Variants in COL12A1 observed in about 807,000 individuals in gnomAD.
COL12A1 encodes the protein collagen alpha-1(XII) chain.
COL12A1 carries 114 observed loss-of-function variants against 349.7 expected under a neutral mutation model. The ratio of observed to expected loss-of-function variants is 0.33; its 90% confidence interval spans 0.28 to 0.38. The LOEUF (loss-of-function observed/expected upper bound fraction) is 0.38. Among genes scored for constraint, COL12A1 ranks in the 10% least tolerant of loss-of-function variants. The probability of loss-of-function intolerance (pLI) is 1.00; values close to 1 mark genes in which losing one functional copy is unlikely to be tolerated. For missense variants in COL12A1, 3,284 were observed against 3,756.9 expected (o/e 0.87, Z 3.29); for synonymous variants, 1,369 against 1,329.0 (o/e 1.03, Z -0.66).
intron 17 of COL12A1, among the ~76,000 whole-genome samples, chr6:75,152,750 C>G (rs899705322): frequency 6.6e-6 from 1 of 152,134 alleles, no homozygotes; most frequent in Admixed American, 6.6e-5. Context: ...TGCCCTCTTT[C>G]ATAGAACCTG....
intron 17 of COL12A1, among the ~76,000 whole-genome samples, chr6:75,153,492 A>C (rs965558054): frequency 1.1e-4 from 16 of 152,266 alleles, no homozygotes; most frequent in African/African-American, 2.6e-4. Flanking sequence ...ACCAGCTATA[A>C]ATTTTCCAGT....
At chr6:75,149,734 T>TTGGG (rs1767386959) in intron 21 of COL12A1, among the ~76,000 whole-genome samples, 1 of 152,154 alleles carries the variant, frequency 6.6e-6, no homozygotes, top group African/African-American at 2.4e-5. Context: ...TCTTAGTATC[T>TTGGG]TAACTTTTAT....
intron 5 of COL12A1, 124 bp from the exon 6 acceptor site, chr6:75,189,939 T>C (rs1769842793): frequency 3.9e-6 from 4 of 1,037,552 alleles, no homozygotes. Flanking sequence ...TCACCAATTG[T>C]TCTTCACCCA....
At position 75,181,501 on chromosome 6, in the gene COL12A1, C is replaced by A. The variant is rs114887484; in HGVS notation, c.1892-290G>T. 0.013 allele frequency among the ~76,000 whole-genome samples: 1,981 copies of A among 152,208 alleles called. 40 individuals are homozygous for A. The highest frequency in any genetic ancestry group is 0.046 in the African/African-American group (1,895 of 41,552). ...TGAATTTTGAGATTCTTAAAGCAGT[C>A]GTAATAGAATGGCCTTGCCCATAAT... On this transcript the variant is annotated intron_variant, in intron 10 of 65. Coordinates refer to ENST00000322507, the MANE Select transcript of COL12A1 (RefSeq NM_004370.6).
At position 75,194,872 on chromosome 6, in the gene COL12A1, T is replaced by G; in HGVS notation, c.149A>C (p.Asp50Ala). Reference sequence around the variant, plus strand: ...CGTTATTCTGTAACCCACAATTGGATCAACTGGTTTTGCCCATGACATATG... The same window carrying G: ...CGTTATTCTGTAACCCACAATTGGAGCAACTGGTTTTGCCCATGACATATG... ...TVHMSWAKPVDPIVGYRITVD... is the reference protein window; with the variant it reads ...TVHMSWAKPVAPIVGYRITVD... The change falls in exon 3 of 66, where the codon GAT becomes GCT. Residue 50 changes from aspartate to alanine, a missense_variant. Physicochemically the swap from Asp to Ala is moderately radical, Grantham distance 126. This residue lies in a region of COL12A1 where 2,601 missense variants were observed against 2,824.8 expected (regional missense o/e 0.92). Coordinates refer to ENST00000322507, the MANE Select transcript of COL12A1 (RefSeq NM_004370.6). 6.2e-7 allele frequency: 1 copy of G among 1,612,308 alleles called. No individual in the cohort carries two copies. Among genetic ancestry groups the G allele is most frequent in the Non-Finnish European group, 8.5e-7 (1 of 1,179,036 alleles).
intron 14 of COL12A1, among the ~76,000 whole-genome samples, chr6:75,160,844 T>C (rs1440831137): frequency 6.6e-6 from 1 of 152,186 alleles, no homozygotes; most frequent in Non-Finnish European, 1.5e-5. Flanking sequence ...AAACAAGAGT[T>C]AAGTTCCTAC....
At chr6:75,119,246 T>C in intron 45 of COL12A1, 60 bp from the exon 46 acceptor site, 8 of 1,612,440 alleles carry the variant, frequency 5.0e-6, no homozygotes, top group Non-Finnish European at 6.8e-6. Context: ...CCAAATGCCA[T>C]TAGTCACACC....
At position 75,161,638 on chromosome 6, in the gene COL12A1, A is replaced by G. The variant is rs531820246; in HGVS notation, c.2983+3869T>C. ...TCTCACTACTCCTATTCAACATAGT[A>G]TTGGAAGTTCTGGCCAAGGCAATCA... On this transcript the variant is annotated intron_variant, in intron 14 of 65. Coordinates refer to ENST00000322507, the MANE Select transcript of COL12A1 (RefSeq NM_004370.6). 3.2e-4 allele frequency among the ~76,000 whole-genome samples: 49 copies of G among 152,330 alleles called. 1 individual carries two copies. The highest frequency in any genetic ancestry group is 2.1e-3 in the Admixed American group (32 of 15,292).
intron 8 of COL12A1, among the ~76,000 whole-genome samples, chr6:75,188,116 C>G (rs995291688): frequency 2.0e-5 from 3 of 152,088 alleles, no homozygotes; most frequent in Non-Finnish European, 4.4e-5. Flanking sequence ...TAAATCATAA[C>G]TTGTCCCCCA....
At chr6:75,160,350 C>G (rs181685821) in intron 14 of COL12A1, among the ~76,000 whole-genome samples, 16 of 152,202 alleles carry the variant, frequency 1.1e-4, no homozygotes. Flanking sequence ...GTCTGCATAC[C>G]ATGTCCCTGA....
intron 2 of COL12A1, among the ~76,000 whole-genome samples, chr6:75,202,350 G>T (rs1250030796): frequency 6.6e-6 from 1 of 152,228 alleles, no homozygotes; most frequent in Non-Finnish European, 1.5e-5. Flanking sequence ...GCTCTTCGGG[G>T]CTCCTGGGTG....
chr6:75,127,667 TG>T (rs1182042693), intron 38 of COL12A1, among the ~76,000 whole-genome samples: 1 of 152,132 alleles, frequency 6.6e-6, no homozygotes, highest in Non-Finnish European at 1.5e-5. Context: ...TCAGTATCTC[TG>T]GGAGTGGAAC....
At chr6:75,118,047 A>G (rs946984168) in intron 46 of COL12A1, among the ~76,000 whole-genome samples, 8 of 152,220 alleles carry the variant, frequency 5.3e-5, no homozygotes, top group Non-Finnish European at 1.2e-4. Context: ...AAATAAGCAA[A>G]TTTAGGCTAT....
At chr6:75,087,527 A>G (rs1354150021) in intron 65 of COL12A1, 50 bp downstream of exon 65, 3 of 1,592,154 alleles carry the variant, frequency 1.9e-6, no homozygotes, top group African/African-American at 1.4e-5. Flanking sequence ...CATTTCCGTA[A>G]AGTTCTTTAC....
At chr6:75,126,232 G>A (rs1766006809) in intron 39 of COL12A1, 119 bp downstream of exon 39, 3 of 1,178,852 alleles carry the variant, frequency 2.5e-6, no homozygotes, top group Non-Finnish European at 3.4e-6. Context: ...TTGGTTACAG[G>A]AAACTTGGTG....
chr6:75,124,361 A>C lies in COL12A1; in HGVS notation c.6618T>G (p.Asn2206Lys). The C allele has an allele frequency of 6.3e-7, 1 of 1,599,734 alleles. No individual in the cohort carries two copies. The highest frequency in any genetic ancestry group is 8.5e-7 in the Non-Finnish European group (1 of 1,169,936). The change falls in exon 41 of 66, where the codon AAT (asparagine) becomes AAG (lysine). Residue 2206 changes from asparagine (N) to lysine (K), a missense_variant. By Grantham distance (94) the Asn-to-Lys change is moderately conservative (BLOSUM62 0). Transcript: ENST00000322507. ...TCTGGTAAGTTTTCAGATCTGTTAC[A>C]TTTAAATATACTACAAAATAAAGAA... ...LTDQGTTLYL[N>K]VTDLKTYQIG...
intron 14 of COL12A1, among the ~76,000 whole-genome samples, chr6:75,161,089 A>G (rs1562251061): frequency 6.6e-6 from 1 of 152,106 alleles, no homozygotes; most frequent in Non-Finnish European, 1.5e-5. Context: ...ACACACACCC[A>G]CACTCACTCA....
intron 2 of COL12A1, among the ~76,000 whole-genome samples, chr6:75,196,431 G>C: frequency 6.6e-6 from 1 of 152,182 alleles, no homozygotes; most frequent in East Asian, 1.9e-4. Context: ...AAATAATTAA[G>C]CAAACATTTG....
At chr6:75,150,742 A>G (rs1240197550) in intron 21 of COL12A1, among the ~76,000 whole-genome samples, 1 of 152,148 alleles carries the variant, frequency 6.6e-6, no homozygotes, top group Non-Finnish European at 1.5e-5. Context: ...AAAAGAAAGC[A>G]TCTCTCCTTC....
Sources: allele counts gnomAD v4.1 joint callset (sites outside exome capture counted in the v4.1 genomes callset), GRCh38; gene constraint gnomAD v4.1.1; regional missense constraint gnomAD v4.1.1; transcripts MANE v1.5; gene names NCBI Gene and HGNC (gene_info 2026-07-23, HGNC 2026-07-21).